SEMA5B: variants seen among roughly 807,000 people sequenced by gnomAD.
The protein encoded by SEMA5B is semaphorin 5B.
Under a neutral mutation model 135.0 loss-of-function variants are expected in SEMA5B, and 66 were observed. The ratio of observed to expected loss-of-function variants is 0.49; its 90% CI spans 0.40 to 0.60. The LOEUF (loss-of-function observed/expected upper bound fraction) is 0.60. Among genes scored for constraint, SEMA5B ranks in the 20% least tolerant of loss-of-function variants. SEMA5B has a pLI of 0.00. For synonymous variants in SEMA5B, 690 were observed against 639.5 expected, an observed-to-expected ratio of 1.08 and a Z score of -1.19; for missense variants, 1,501 against 1,566.3, an observed-to-expected ratio of 0.96 and a Z score of 0.70.
chr3:122,915,328 C>G, intron 14 of SEMA5B, 112 bp downstream of exon 14: 1 of 1,047,010 alleles, frequency 9.6e-7, no homozygotes, highest in Non-Finnish European at 1.4e-6. Context: ...TAGCACAGCC[C>G]TGAAGTGGTT....
chr3:122,997,748 GT>G (rs1942058870), intron 1 of SEMA5B, among the ~76,000 whole-genome samples: 1 of 152,138 alleles, frequency 6.6e-6, no homozygotes, highest in Admixed American at 6.5e-5. Context: ...CAAGGTCTGT[GT>G]TTCTGCAGCC....
chr3:122,983,393 T>C (rs952747369), intron 1 of SEMA5B, among the ~76,000 whole-genome samples: 2 of 152,018 alleles, frequency 1.3e-5, no homozygotes, highest in African/African-American at 4.8e-5. Flanking sequence ...GCATTATGGG[T>C]TGTTCTGAGC....
chr3:122,948,396 A>G (rs1433690827), intron 3 of SEMA5B, 110 bp downstream of exon 3: 2 of 901,184 alleles, frequency 2.2e-6, no homozygotes, highest in African/African-American at 1.7e-5. Flanking sequence ...CCAGCAGTTA[A>G]TGAACATCCC....
chr3:123,000,354 G>T (rs16833756), intron 1 of SEMA5B, among the ~76,000 whole-genome samples: 11 of 152,136 alleles, frequency 7.2e-5, no homozygotes, highest in African/African-American at 2.4e-4. Context: ...CTGGGCAAAG[G>T]TTCTCAGTCA....
At chr3:122,928,907 C>T in intron 6 of SEMA5B, 89 bp downstream of exon 6, 1 of 1,336,732 alleles carries the variant, frequency 7.5e-7, no homozygotes, top group Non-Finnish European at 1.1e-6. Context: ...TAGCAGGGGA[C>T]CTCAGTCCAC....
At chr3:122,923,811 T>G in intron 9 of SEMA5B, 59 bp from the exon 10 acceptor site, 1 of 1,597,066 alleles carries the variant, frequency 6.3e-7, no homozygotes, top group Non-Finnish European at 8.6e-7. Context: ...ACCCTCCTCA[T>G]AAACCCCACA....
At position 122,913,309 on chromosome 3, in the gene SEMA5B, C is replaced by T. The variant is rs746429247; in HGVS notation, c.2396G>A (p.Arg799His). The T allele has an allele frequency of 8.3e-6, 13 of 1,573,722 alleles. No homozygotes were observed. Among genetic ancestry groups the T allele is most frequent in the Non-Finnish European group, 9.4e-6 (11 of 1,168,676 alleles). ...QGGARQEQRF[R>H]FTCRAPLADP... The stretch of plus-strand genomic sequence containing the variant: ...TGCAAGGGGCGCGCGGCAGGTGAAG[C>T]GGAACCGCTGCTCCTGCCGTGCCCC... Residue 799 changes from arginine to histidine, a missense_variant, in exon 17 of 23, where the codon CGC becomes CAC. By Grantham distance (29) the Arg-to-His change is conservative. Coordinates refer to ENST00000357599, the MANE Select transcript of SEMA5B (RefSeq NM_001031702.4).
In SEMA5B at chr3:122,913,422, C is replaced by T. The variant is rs771973907; in HGVS notation, c.2283G>A (p.Glu761=). ...AGCCCTCGGGGTTGCACGTCTTGAA[C>T]TCCTGCGGGTGGCGGCAGAGGCAGC... ...NGNSCLGCGV[E]FKTCNPEGCP... The change falls in exon 17 of 23, where the codon GAG becomes GAA. Residue 761 remains glutamate, a splice_region_variant and synonymous_variant. Transcript: ENST00000357599. 23 of 1,567,372 alleles carry T rather than the reference C, an allele frequency of 1.5e-5. No individual in the cohort carries two copies. The South Asian group carries it at 1.6e-4, about 11-fold the overall frequency.
At chr3:123,009,568 A>G (rs187252432) in intron 1 of SEMA5B, among the ~76,000 whole-genome samples, 3 of 152,254 alleles carry the variant, frequency 2.0e-5, no homozygotes. Flanking sequence ...AGAAAAAAAG[A>G]GAAAGAAAAA....
At position 122,913,993 on chromosome 3, in the gene SEMA5B, G is replaced by T. The variant is rs146618662; in HGVS notation, c.1997C>A (p.Ala666Glu). Residue 666 changes from alanine to glutamate, a missense_variant, in exon 15 of 23, where the codon GCG becomes GAG. By Grantham distance (107) the Ala-to-Glu change is moderately radical. Coordinates refer to ENST00000357599, the MANE Select transcript of SEMA5B (RefSeq NM_001031702.4). ...CGCCCACGATGACCACGGGGTCCAC[G>T]CCCCATTCCTGGCGGGGTGGGAGGG... The part of the protein sequence containing the change: ...IHIANCSRNG[A>E]WTPWSSWALC... The T allele has an allele frequency of 2.5e-6, 4 of 1,591,638 alleles. No individual in the cohort carries two copies. The highest frequency in any genetic ancestry group is 1.7e-6 in the Non-Finnish European group (2 of 1,168,820).
Position 122,943,361 on chromosome 3 carries a change from C to A in SEMA5B, c.428+75G>T, listed in dbSNP as rs1939646782. ...GCACGCGGGGCTGCCCAGGTGAGTT[C>A]ATCCTGAATAATATTCCCTCTACCC... On this transcript the variant is annotated intron_variant, in intron 4 of 22. Transcript: ENST00000357599. 12 of 1,070,440 alleles carry A rather than the reference C, an allele frequency of 1.1e-5. No homozygotes were observed. The East Asian group carries it at 2.8e-4, about 25-fold the overall frequency. 66.3% of individuals were successfully genotyped at this position (1,070,440 alleles called of 1,614,324 possible).
At position 122,927,801 on chromosome 3, in the gene SEMA5B, T is replaced by C. The variant is rs753410349; in HGVS notation, c.839A>G (p.Lys280Arg). 7.0e-7 allele frequency: 1 copy of C among 1,422,080 alleles called. No individual in the cohort carries two copies. Among genetic ancestry groups the C allele is most frequent in the Non-Finnish European group, 9.3e-7 (1 of 1,077,166 alleles). 88.1% of individuals were successfully genotyped at this position (1,422,080 alleles called of 1,614,324 possible). The stretch of plus-strand genomic sequence containing the variant: ...TGGGGCCTCCTTACCATTAAGCCAC[T>C]TGGAGTTATATTGGGCAGTGCGAAG... The part of the protein sequence containing the change: ...PPLRTAQYNS[K>R]WLNEPNFVAA... The change falls in exon 8 of 23, where the codon AAG becomes AGG. Residue 280 changes from lysine (K) to arginine (R), a missense_variant. Transcript: ENST00000357599.
chr3:122,930,939 G>A (rs1051091872), intron 5 of SEMA5B, among the ~76,000 whole-genome samples: 23 of 152,138 alleles, frequency 1.5e-4, no homozygotes, highest in African/African-American at 5.6e-4. Context: ...CTCTCACAGT[G>A]AATAGATTTC....
intron 16 of SEMA5B, 39 bp downstream of exon 16, chr3:122,913,495 C>T: frequency 6.3e-7 from 1 of 1,595,414 alleles, no homozygotes; most frequent in Non-Finnish European, 8.5e-7. Context: ...GGCTCCAGTA[C>T]CCTACACCGC....
intron 1 of SEMA5B, among the ~76,000 whole-genome samples, chr3:123,011,098 C>T (rs754091581): frequency 9.9e-5 from 15 of 152,190 alleles, no homozygotes; most frequent in Non-Finnish European, 2.1e-4. Flanking sequence ...CAAGCCCCTC[C>T]TCTCATGTAA....
At chr3:122,920,756 TCC>T (rs1560294540) in intron 12 of SEMA5B, among the ~76,000 whole-genome samples, 1 of 152,012 alleles carries the variant, frequency 6.6e-6, no homozygotes, top group Admixed American at 6.6e-5. Flanking sequence ...TGTGAGTCCT[TCC>T]CCCCACACCC....
rs868192782 is a variant in SEMA5B at position 122,957,074 on chromosome 3, G to A, written c.124+4066C>T. ...AGAGGCAGAGAGGGAGATGAGTCTG[G>A]AAAGCAGGACCGAGGCCAAATCACA... On this transcript the variant is annotated intron_variant, in intron 2 of 22. Coordinates refer to ENST00000357599, the MANE Select transcript of SEMA5B (RefSeq NM_001031702.4). Among the ~76,000 whole-genome samples, 3 of 152,286 alleles carry A rather than the reference G, an allele frequency of 2.0e-5. No individual in the cohort carries two copies. In the South Asian group the frequency reaches 6.2e-4, roughly 32 times the overall value.
At chr3:122,976,921 G>A (rs1391598047) in intron 1 of SEMA5B, among the ~76,000 whole-genome samples, 11 of 152,234 alleles carry the variant, frequency 7.2e-5, no homozygotes, top group South Asian at 4.2e-4. Context: ...ATGGTGGCAC[G>A]CACGTGTAAT....
chr3:122,976,413 A>G lies in SEMA5B; in HGVS notation c.-38-15112T>C, dbSNP rs56853476. On this transcript the variant is annotated intron_variant, in intron 1 of 22. Transcript: ENST00000357599. The stretch of plus-strand genomic sequence containing the variant: ...GGTGATGCTTGGTACACAGAGAGAA[A>G]TGATGGGTTAGATCAGACCACTTGG... 6.9e-3 allele frequency among the ~76,000 whole-genome samples: 1,050 copies of G among 152,284 alleles called. 19 individuals are homozygous for G. Among genetic ancestry groups the G allele is most frequent in the African/African-American group, 0.024 (1,006 of 41,566 alleles).
Sources: gnomAD v4.1 joint callset for allele counts (sites outside exome capture counted in the v4.1 genomes callset) on GRCh38, gnomAD v4.1.1 for gene constraint, MANE v1.5 for transcripts, NCBI Gene and HGNC (gene_info 2026-07-23, HGNC 2026-07-21) for gene names.